AGRN: variants seen among roughly 807,000 people sequenced by gnomAD.
The protein encoded by AGRN is agrin proteoglycan.
Under a neutral mutation model 211.0 loss-of-function variants are expected in AGRN, and 106 were observed. The observed-to-expected ratio is 0.50, with a 90% confidence interval of 0.43 to 0.59. AGRN has a LOEUF of 0.59. AGRN is among the 20% of genes least tolerant of loss of function. The pLI is 0.00. For missense variants in AGRN, 3,040 were observed against 2,982.6 expected (o/e 1.02, Z -0.45); for synonymous variants, 1,525 against 1,332.5 (o/e 1.14, Z -3.15).
Position 1,050,802 on chromosome 1 carries a change from G to A in AGRN, c.5218G>A (p.Val1740Met), listed in dbSNP as rs1301343933. The A allele has an allele frequency of 1.9e-6, 3 of 1,595,928 alleles. No homozygotes were observed. The highest frequency in any genetic ancestry group is 2.6e-6 in the Non-Finnish European group (3 of 1,175,236). The stretch of plus-strand genomic sequence containing the variant: ...AAACGGCCGCAAGGGTGCCCTGCGT[G>A]TGGGCGACGGCCCCCGTGTGTTGGG... ...ERNGRKGALR[V>M]GDGPRVLGES... The change falls in exon 30 of 36, where the codon GTG becomes ATG. Residue 1740 changes from valine to methionine, a missense_variant. Val to Met is a conservative substitution (Grantham distance 21). Coordinates refer to ENST00000379370, the MANE Select transcript of AGRN (RefSeq NM_198576.4).
intron 3 of AGRN, 56 bp from the exon 4 acceptor site, chr1:1,040,609 G>C: frequency 6.5e-7 from 1 of 1,537,292 alleles, no homozygotes; most frequent in Non-Finnish European, 8.8e-7. Flanking sequence ...TCTCAGGCTT[G>C]TGGACGTGGG....
At chr1:1,023,547 G>A (rs1644456146) in intron 2 of AGRN, among the ~76,000 whole-genome samples, 3 of 152,250 alleles carry the variant, frequency 2.0e-5, no homozygotes, top group Middle Eastern at 3.4e-3. Flanking sequence ...AAAGATGGGG[G>A]CATCGTGGAC....
intron 33 of AGRN, chr1:1,053,123 A>T (rs2799071): frequency 0.83 from 211,913 of 255,596 alleles, 92,128 homozygotes; most frequent in East Asian, 0.99. Flanking sequence ...TCCACTCCAT[A>T]CCACCCTACG....
At chr1:1,053,634 C>T (rs1440115095) in intron 33 of AGRN, 119 bp from the exon 34 acceptor site, 1 of 1,487,078 alleles carries the variant, frequency 6.7e-7, no homozygotes, top group Non-Finnish European at 9.1e-7. Flanking sequence ...CCACCAGCCA[C>T]CCCTGGGTCC....
In AGRN at chr1:1,054,430, C is replaced by T. The variant is rs374983597; in HGVS notation, c.5877-18C>T. 28 of 1,558,164 alleles carry T rather than the reference C, an allele frequency of 1.8e-5. No individual in the cohort carries two copies. In the African/African-American group the frequency reaches 2.3e-4, roughly 13 times the overall value. On this transcript the variant is annotated intron_variant, in intron 34 of 35. Coordinates refer to ENST00000379370, the MANE Select transcript of AGRN (RefSeq NM_198576.4). ...GGAACTCTGGGCCCTGATGGTCTCCCCCTCCCTGCACACCCAGGGAGCAGA... is the reference window on the plus strand; with the variant it reads ...GGAACTCTGGGCCCTGATGGTCTCCTCCTCCCTGCACACCCAGGGAGCAGA...
chr1:1,047,627 T>C lies in AGRN; in HGVS notation c.3571T>C (p.Leu1191=). The change falls in exon 21 of 36, where the codon TTG becomes CTG. Residue 1191 remains leucine (L), a synonymous_variant. Transcript: ENST00000379370. ...CAAGAAGGATTTTCGGAGTGTCCGC[T>C]TGCGGGACCTGGGGCCCGGCAAATC... ...DVKKDFRSVR[L]RDLGPGKSVR... 2.5e-6 allele frequency: 4 copies of C among 1,613,064 alleles called. No individual in the cohort carries two copies. Among genetic ancestry groups the C allele is most frequent in the Non-Finnish European group, 3.4e-6 (4 of 1,180,020 alleles).
Position 1,046,594 on chromosome 1 carries a change from C to T in AGRN, c.3109C>T (p.Pro1037Ser). The T allele has an allele frequency of 1.2e-6, 2 of 1,606,434 alleles. No homozygotes were observed. Among genetic ancestry groups the T allele is most frequent in the Non-Finnish European group, 8.5e-7 (1 of 1,179,606 alleles). Residue 1037 changes from proline to serine, a missense_variant, in exon 18 of 36, where the codon CCC becomes TCC. Physicochemically the swap from Pro to Ser is moderately conservative, Grantham distance 74 (BLOSUM62 -1). Coordinates refer to ENST00000379370, the MANE Select transcript of AGRN (RefSeq NM_198576.4). ...CAGCGTCCCCAGGACCACCGTGTGG[C>T]CCGTGCTGACGGTGCCCCCCACGGC... is the stretch of plus-strand genomic sequence containing the variant. ...TASVPRTTVW[P>S]VLTVPPTAPS...
intron 6 of AGRN, 45 bp downstream of exon 6, chr1:1,041,747 G>T (rs752311914): frequency 1.3e-6 from 2 of 1,525,566 alleles, no homozygotes; most frequent in South Asian, 2.5e-5. Flanking sequence ...TGCCAGGGTC[G>T]AGGTGGGCGG....
rs368527782 is a variant in AGRN, at chr1:1,047,277, C to G, written c.3389-50C>G. ...TGCTGGGGCCTGTGCCTGGGCCAGC[C>G]TGGATGCCAGGCAGATGCCAGGCAG... is the stretch of plus-strand genomic sequence containing the variant. On this transcript the variant is annotated intron_variant, in intron 19 of 35. Transcript: ENST00000379370. The G allele has an allele frequency of 1.2e-5, 19 of 1,554,298 alleles. No individual in the cohort carries two copies. The African/African-American group carries it at 2.3e-4, about 19-fold the overall frequency.
intron 1 of AGRN, among the ~76,000 whole-genome samples, chr1:1,021,481 C>G (rs1466669283): frequency 6.6e-6 from 1 of 152,264 alleles, no homozygotes; most frequent in Non-Finnish European, 1.5e-5. Flanking sequence ...TCTCTCCCCC[C>G]ATCCGGCAGC....
intron 32 of AGRN, 31 bp from the exon 33 acceptor site, chr1:1,051,697 G>A (rs369029605): frequency 7.6e-5 from 122 of 1,613,252 alleles, no homozygotes; most frequent in Middle Eastern, 1.7e-4. Flanking sequence ...CGGAGCCCAC[G>A]AGGCCCCACC....
Position 1,048,037 on chromosome 1 carries a change from G to T in AGRN, c.3777G>T (p.Gly1259=). The T allele has an allele frequency of 6.3e-7, 1 of 1,585,320 alleles. No individual in the cohort carries two copies. Among genetic ancestry groups the T allele is most frequent in the East Asian group, 2.3e-5 (1 of 43,694 alleles). ...ACTGGTTTCCTGCGTTTATCACGGG[G>T]GCCACGTCAGGAGCCATTGCTGCGG... The part of the protein sequence containing the change: ...DFDWFPAFIT[G]ATSGAIAAGA... Residue 1259 remains glycine, a synonymous_variant, in exon 23 of 36, where the codon GGG becomes GGT. Coordinates refer to ENST00000379370, the MANE Select transcript of AGRN (RefSeq NM_198576.4). The surrounding 1 kb of genome is among the most constrained non-coding windows in gnomAD (Gnocchi z 5.9).
rs767942031 is a variant in AGRN at position 1,048,286 on chromosome 1, G to A, written c.4026G>A (p.Gly1342=). ...PCDSQPCFHG[G]TCQDWALGGG... ...ACTCACAGCCCTGCTTCCACGGGGG[G>A]ACCTGCCAGGACTGGGCATTGGGCG... The change falls in exon 23 of 36, where the codon GGG becomes GGA. Residue 1342 remains glycine, a synonymous_variant. Coordinates refer to ENST00000379370, the MANE Select transcript of AGRN (RefSeq NM_198576.4). This position sits in a 1 kb window ranked among gnomAD's most constrained non-coding sequence, Gnocchi z 5.9. 14 of 1,516,108 alleles carry A rather than the reference G, an allele frequency of 9.2e-6. No homozygotes were observed. The highest frequency in any genetic ancestry group is 1.4e-5 in the African/African-American group (1 of 72,888). The allele number at this position is 1,516,108 out of a possible 1,614,324, so 93.9% of individuals were successfully genotyped here.
At position 1,049,272 on chromosome 1, in the gene AGRN, T is replaced by C. The variant is rs373333895; in HGVS notation, c.4335T>C (p.Ser1445=). 8.2e-6 allele frequency: 13 copies of C among 1,594,206 alleles called. No homozygotes were observed. The African/African-American group carries it at 1.5e-4, about 18-fold the overall frequency. Reference sequence around the variant, plus strand: ...GTTCGGGGCCGGCGGTGCTGACCAGTGCCGTGCCGGTAGAGCCGGGCCAGT... The same window carrying C: ...GTTCGGGGCCGGCGGTGCTGACCAGCGCCGTGCCGGTAGAGCCGGGCCAGT... ...DTGSGPAVLT[S]AVPVEPGQWH... The change falls in exon 25 of 36, where the codon AGT becomes AGC. Residue 1445 remains serine (S), a synonymous_variant. Coordinates refer to ENST00000379370, the MANE Select transcript of AGRN (RefSeq NM_198576.4).
chr1:1,048,905 T>C lies in AGRN; in HGVS notation c.4144T>C (p.Phe1382Leu), dbSNP rs1249695884. ...TGTGCCGGCCTTCGAGGGCCGCTCC[T>C]TCCTGGCCTTCCCCACTCTCCGCGC... ...APVPAFEGRS[F>L]LAFPTLRAYH... Residue 1382 changes from phenylalanine (F) to leucine (L), a missense_variant, in exon 24 of 36, where the codon TTC becomes CTC. Physicochemically the swap from Phe to Leu is conservative, Grantham distance 22. This residue lies in a region of AGRN where 1,537 missense variants were observed against 1,505.0 expected (regional missense o/e 1.02). Transcript: ENST00000379370. The surrounding 1 kb of genome is among the most constrained non-coding windows in gnomAD (Gnocchi z 5.9). The C allele has an allele frequency of 1.9e-6, 3 of 1,553,560 alleles. No homozygotes were observed. The highest frequency in any genetic ancestry group is 1.7e-6 in the Non-Finnish European group (2 of 1,149,498).
In AGRN at chr1:1,050,711, G is replaced by A; in HGVS notation, c.5142-15G>A. 1 of 1,599,822 alleles carries A rather than the reference G, an allele frequency of 6.3e-7. No individual in the cohort carries two copies. The highest frequency in any genetic ancestry group is 1.1e-5 in the South Asian group (1 of 90,028). On this transcript the variant is annotated splice_polypyrimidine_tract_variant and intron_variant, in intron 29 of 35. Coordinates refer to ENST00000379370, the MANE Select transcript of AGRN (RefSeq NM_198576.4). ...GTGGTGGACAGAGCCCACTCACGCT[G>A]CCCCTCCTCACCAGGAGCAGGGAGC...
At chr1:1,051,412 C>T (rs777741228) in intron 31 of AGRN, 41 bp from the exon 32 acceptor site, 47 of 658,548 alleles carry the variant, frequency 7.1e-5, no homozygotes, top group East Asian at 1.0e-4. Flanking sequence ...CCGGGGCGGG[C>T]GGGGTGGCAG....
chr1:1,025,576 TCTCCTGCCCC>T (rs1250625355), intron 2 of AGRN, among the ~76,000 whole-genome samples: 1 of 151,008 alleles, frequency 6.6e-6, no homozygotes, highest in African/African-American at 2.4e-5. Flanking sequence ...CCTGCCACCC[TCTCCTGCCCC>T]CTCCTGACTC....
chr1:1,047,793 C>T lies in AGRN; in HGVS notation c.3649C>T (p.Pro1217Ser), dbSNP rs771265553. ...CTCCCCAGCCACAGCCTTCAGGGCA[C>T]CCGACGTGGCCCGGGCCCTGCTCCG... ...HFDPTTAFRAPDVARALLRQI... is the reference protein window; with the variant it reads ...HFDPTTAFRASDVARALLRQI... Residue 1217 changes from proline (P) to serine (S), a missense_variant, in exon 22 of 36, where the codon CCC (proline) becomes TCC (serine). Physicochemically the swap from Pro to Ser is moderately conservative, Grantham distance 74. This residue lies in a region of AGRN where 1,537 missense variants were observed against 1,505.0 expected (regional missense o/e 1.02). Transcript: ENST00000379370. The T allele has an allele frequency of 1.9e-6, 3 of 1,604,140 alleles. No homozygotes were observed. The highest frequency in any genetic ancestry group is 2.2e-5 in the South Asian group (2 of 90,140).
Sources: gnomAD v4.1 joint callset for allele counts (sites outside exome capture counted in the v4.1 genomes callset) on GRCh38, gnomAD v4.1.1 for gene constraint, gnomAD v4.1.1 regional missense constraint, Gnocchi (gnomAD v3.1) non-coding constraint, MANE v1.5 for transcripts, NCBI Gene and HGNC (gene_info 2026-07-23, HGNC 2026-07-21) for gene names.